UNC5C: variants seen among roughly 807,000 people sequenced by gnomAD.
The protein encoded by UNC5C is netrin receptor UNC5C.
In UNC5C, 47 loss-of-function variants were observed where a neutral mutation model predicts 99.8. The observed-to-expected ratio is 0.47, with a 90% confidence interval of 0.37 to 0.60. The LOEUF is 0.60. Ranked by LOEUF, UNC5C falls within the 20% of genes least tolerant of loss-of-function variation. The probability of loss-of-function intolerance (pLI) is 0.00; values close to 1 mark genes in which losing one functional copy is unlikely to be tolerated. For missense variants in UNC5C, 1,062 were observed against 1,165.9 expected (o/e 0.91, Z 1.30); for synonymous variants, 487 against 452.2 (o/e 1.08, Z -0.98).
chr4:95,519,848 A>G (rs1003495870), intron 1 of UNC5C, among the ~76,000 whole-genome samples: 1 of 152,224 alleles, frequency 6.6e-6, no homozygotes, highest in Non-Finnish European at 1.5e-5. Context: ...CATAACTGCA[A>G]ATGCCTGCAT....
intron 1 of UNC5C, among the ~76,000 whole-genome samples, chr4:95,544,021 T>C (rs1722992365): frequency 1.3e-5 from 2 of 152,216 alleles, no homozygotes; most frequent in Non-Finnish European, 2.9e-5. Context: ...TATTGACCTT[T>C]AGTTTCTTTT....
chr4:95,180,478 T>A (rs1448698953), intron 14 of UNC5C, among the ~76,000 whole-genome samples: 7 of 152,202 alleles, frequency 4.6e-5, no homozygotes, highest in Non-Finnish European at 7.3e-5. Context: ...TTCATTTGTG[T>A]CAATACAGTT....
At chr4:95,408,249 T>C (rs1745881087) in intron 1 of UNC5C, among the ~76,000 whole-genome samples, 1 of 152,214 alleles carries the variant, frequency 6.6e-6, no homozygotes, top group South Asian at 2.1e-4. Flanking sequence ...ATATCTAATC[T>C]ACTATGTGCT....
At chr4:95,200,472 C>T (rs1737611515) in intron 12 of UNC5C, among the ~76,000 whole-genome samples, 1 of 152,232 alleles carries the variant, frequency 6.6e-6, no homozygotes, top group South Asian at 2.1e-4. Context: ...CTCCACTTAA[C>T]AGCTGTGTGA....
chr4:95,461,604 G>C (rs1465843020), intron 1 of UNC5C, among the ~76,000 whole-genome samples: 2 of 152,092 alleles, frequency 1.3e-5, no homozygotes, highest in Non-Finnish European at 2.9e-5. Context: ...TATATTTTCT[G>C]GCCATTTGAA....
At chr4:95,546,696 G>C (rs1252303037) in intron 1 of UNC5C, among the ~76,000 whole-genome samples, 2 of 152,274 alleles carry the variant, frequency 1.3e-5, no homozygotes, top group African/African-American at 4.8e-5. Flanking sequence ...GCTACAAAAA[G>C]TGCAAGAGAA....
At chr4:95,338,726 C>T (rs551747516) in intron 1 of UNC5C, among the ~76,000 whole-genome samples, 4 of 152,166 alleles carry the variant, frequency 2.6e-5, no homozygotes, top group Non-Finnish European at 5.9e-5. Flanking sequence ...CTTACAAATG[C>T]ATGAATATTA....
intron 1 of UNC5C, among the ~76,000 whole-genome samples, chr4:95,488,506 G>A (rs1270797044): frequency 1.3e-5 from 2 of 151,630 alleles, no homozygotes; most frequent in Non-Finnish European, 3.0e-5. Flanking sequence ...TCTTTAACAG[G>A]CACACTCAAC....
chr4:95,228,818 A>ACTT (rs1404410916), intron 7 of UNC5C, among the ~76,000 whole-genome samples: 1 of 152,176 alleles, frequency 6.6e-6, no homozygotes, highest in Non-Finnish European at 1.5e-5. Flanking sequence ...TAGTCATGAC[A>ACTT]CTTATAAAGC....
At chr4:95,455,730 G>A (rs1181555439) in intron 1 of UNC5C, among the ~76,000 whole-genome samples, 10 of 152,030 alleles carry the variant, frequency 6.6e-5, no homozygotes, top group Admixed American at 5.9e-4. Flanking sequence ...TCTGCATACA[G>A]AGAGAAAATG....
chr4:95,328,916 C>T (rs1413105922), intron 2 of UNC5C, among the ~76,000 whole-genome samples: 1 of 152,170 alleles, frequency 6.6e-6, no homozygotes, highest in African/African-American at 2.4e-5. Context: ...CTCGCCCCAG[C>T]TCCTGCACCC....
In UNC5C at chr4:95,166,046, C is replaced by G. The variant is rs1204701642; in HGVS notation, c.*3188G>C. ...TTGTCATAAAGGTCCTTGAACTCTACAGGTTTTCATTCCCTTCGTCAAACA... is the reference window on the plus strand; with the variant it reads ...TTGTCATAAAGGTCCTTGAACTCTAGAGGTTTTCATTCCCTTCGTCAAACA... On this transcript the variant is annotated 3_prime_UTR_variant, in exon 16 of 16. Coordinates refer to ENST00000453304, the MANE Select transcript of UNC5C (RefSeq NM_003728.4). The G allele has an allele frequency of 1.3e-5, 2 of 152,170 alleles. No homozygotes were observed. Among genetic ancestry groups the G allele is most frequent in the East Asian group, 3.8e-4 (2 of 5,200 alleles). 9.4% of individuals were successfully genotyped at this position (152,170 alleles called of 1,614,324 possible).
intron 1 of UNC5C, among the ~76,000 whole-genome samples, chr4:95,453,844 T>A (rs1030808440): frequency 1.3e-5 from 2 of 152,110 alleles, no homozygotes; most frequent in Non-Finnish European, 2.9e-5. Context: ...GGATTTCACA[T>A]CCTAGTCCTC....
rs145455838 is a variant in UNC5C at position 95,315,000 on chromosome 4, A to T, written c.347-13251T>A. On this transcript the variant is annotated intron_variant, in intron 2 of 15. Coordinates refer to ENST00000453304, the MANE Select transcript of UNC5C (RefSeq NM_003728.4). ...AAATCAAATATTCAGATATTTGAAA[A>T]CCCTCAGAATTAATGGAAATCCGTC... Among the ~76,000 whole-genome samples, 257 of 152,336 alleles carry T rather than the reference A, an allele frequency of 1.7e-3. 2 individuals carry two copies. The highest frequency in any genetic ancestry group is 5.9e-3 in the African/African-American group (244 of 41,574).
intron 1 of UNC5C, among the ~76,000 whole-genome samples, chr4:95,341,298 G>A (rs984159505): frequency 6.6e-6 from 1 of 152,062 alleles, no homozygotes; most frequent in African/African-American, 2.4e-5. Context: ...ACCACCAACT[G>A]AGGAATGGTT....
chr4:95,472,024 C>T (rs1461359968), intron 1 of UNC5C, among the ~76,000 whole-genome samples: 1 of 152,006 alleles, frequency 6.6e-6, no homozygotes, highest in Non-Finnish European at 1.5e-5. Context: ...AGGGCGTGAA[C>T]TTTTATTTAC....
At position 95,256,087 on chromosome 4, in the gene UNC5C, A is replaced by G. The variant is rs1579272125; in HGVS notation, c.595-5420T>C. Among the ~76,000 whole-genome samples, 5 of 152,088 alleles carry G rather than the reference A, an allele frequency of 3.3e-5. 1 individual carries two copies. Among genetic ancestry groups the G allele is most frequent in the Admixed American group, 3.3e-4 (5 of 15,262 alleles). On this transcript the variant is annotated intron_variant, in intron 4 of 15. Coordinates refer to ENST00000453304, the MANE Select transcript of UNC5C (RefSeq NM_003728.4). ...AGCACACTTTCCTGGGTTTTGTCCT[A>G]CATTGCTTCATGCCTCACAGCTTCC...
At chr4:95,488,498 T>C (rs1721388569) in intron 1 of UNC5C, among the ~76,000 whole-genome samples, 1 of 151,768 alleles carries the variant, frequency 6.6e-6, no homozygotes, top group Non-Finnish European at 1.5e-5. Flanking sequence ...GAACTGGTTC[T>C]TTAACAGGCA....
chr4:95,178,882 A>G (rs114467761), intron 14 of UNC5C, among the ~76,000 whole-genome samples: 393 of 152,132 alleles, frequency 2.6e-3, no homozygotes, highest in South Asian at 5.0e-3. Context: ...TCAATAGGGC[A>G]TCATTTCTTT....
Sources: allele counts gnomAD v4.1 joint callset (sites outside exome capture counted in the v4.1 genomes callset), GRCh38; gene constraint gnomAD v4.1.1; transcripts MANE v1.5; gene names NCBI Gene and HGNC (gene_info 2026-07-23, HGNC 2026-07-21).